The following BLNK variants were observed in gnomAD, a reference collection of about 807,000 sequenced individuals.
BLNK encodes B-cell linker protein.
In BLNK, 29 loss-of-function variants were observed where a neutral mutation model predicts 73.5. The observed-to-expected ratio is 0.39, with a 90% CI of 0.29 to 0.54. The LOEUF (loss-of-function observed/expected upper bound fraction) is 0.54, where lower values mean the gene tolerates loss of function less well. Among genes scored for constraint, BLNK ranks in the 20% least tolerant of loss-of-function variants. The pLI, the probability that BLNK is intolerant of heterozygous loss-of-function variation, is 0.61. For synonymous variants in BLNK, 176 were observed against 200.8 expected (o/e 0.88, Z 1.04); for missense variants, 460 against 562.8 (o/e 0.82, Z 1.85).
At chr10:96,227,195 C>G (rs924230618) in intron 5 of BLNK, among the ~76,000 whole-genome samples, 1 of 152,216 alleles carries the variant, frequency 6.6e-6, no homozygotes, top group Admixed American at 6.5e-5. Flanking sequence ...TGTTCCCAAT[C>G]TAGGAAAGAC....
chr10:96,219,003 G>A (rs1249590188), intron 6 of BLNK, among the ~76,000 whole-genome samples: 1 of 152,220 alleles, frequency 6.6e-6, no homozygotes, highest in Non-Finnish European at 1.5e-5. Context: ...TGTATGACCT[G>A]TGGGGGAGTT....
chr10:96,246,192 C>A (rs201303269), intron 2 of BLNK, among the ~76,000 whole-genome samples: 1 of 149,106 alleles, frequency 6.7e-6, no homozygotes, highest in African/African-American at 2.5e-5. Context: ...AGATGCTAGG[C>A]TTTCCCTCTC....
At chr10:96,216,496 G>A in intron 7 of BLNK, 157 bp downstream of exon 7, 1 of 697,862 alleles carries the variant, frequency 1.4e-6, no homozygotes, top group Non-Finnish European at 2.6e-6. Context: ...CACTGATGCT[G>A]TCTGCCCAAC....
Position 96,191,897 on chromosome 10 carries a change from T to C in BLNK, c.*76A>G. The C allele has an allele frequency of 6.3e-7, 1 of 1,582,362 alleles. No homozygotes were observed. Among genetic ancestry groups the C allele is most frequent in the Non-Finnish European group, 8.7e-7 (1 of 1,153,856 alleles). ...ATGATTCATAATCCAAAATATGAAGTTTTGGGACTTTTTCTCAAAAGGAGA... is the reference window on the plus strand; with the variant it reads ...ATGATTCATAATCCAAAATATGAAGCTTTGGGACTTTTTCTCAAAAGGAGA... On this transcript the variant is annotated 3_prime_UTR_variant, in exon 17 of 17. Transcript: ENST00000224337.
At position 96,215,389 on chromosome 10, in the gene BLNK, G is replaced by C. The variant is rs1554899628; in HGVS notation, c.608C>G (p.Ala203Gly). 6.2e-7 allele frequency: 1 copy of C among 1,609,804 alleles called. No individual in the cohort carries two copies. Among genetic ancestry groups the C allele is most frequent in the Admixed American group, 1.7e-5 (1 of 59,458 alleles). The change falls in exon 8 of 17, where the codon GCT (alanine) becomes GGT (glycine). Residue 203 changes from alanine (A) to glycine (G), a missense_variant and splice_region_variant. This residue lies in a region of BLNK where 233 missense variants were observed against 232.1 expected (regional missense o/e 1.00). Coordinates refer to ENST00000224337, the MANE Select transcript of BLNK (RefSeq NM_013314.4). Reference sequence around the variant, plus strand: ...CTTGGTTGATCTATTCACCATGGGAGCTTAAACACAGAAATGTGTGTGTAT... The same window carrying C: ...CTTGGTTGATCTATTCACCATGGGACCTTAAACACAGAAATGTGTGTGTAT... Reference protein sequence around the residue: ...TESSSPPPEKAPMVNRSTKPN... With the variant: ...TESSSPPPEKGPMVNRSTKPN...
intron 1 of BLNK, among the ~76,000 whole-genome samples, chr10:96,270,113 C>T (rs1337477279): frequency 6.6e-6 from 1 of 152,140 alleles, no homozygotes; most frequent in Non-Finnish European, 1.5e-5. Context: ...CCTTCTTGTC[C>T]CGTCAGTGCT....
intron 9 of BLNK, among the ~76,000 whole-genome samples, chr10:96,208,804 T>G (rs1439230749): frequency 6.6e-6 from 1 of 152,100 alleles, no homozygotes; most frequent in African/African-American, 2.4e-5. Context: ...ATTTAAACCT[T>G]ACAGTGACAT....
At chr10:96,228,986 A>G (rs1416928132) in intron 4 of BLNK, among the ~76,000 whole-genome samples, 2 of 152,158 alleles carry the variant, frequency 1.3e-5, no homozygotes, top group East Asian at 3.9e-4. Context: ...TATATGGGGT[A>G]TATGAGATAT....
chr10:96,233,735 A>T (rs1842595254), intron 3 of BLNK, among the ~76,000 whole-genome samples: 1 of 152,222 alleles, frequency 6.6e-6, no homozygotes, highest in Admixed American at 6.5e-5. Context: ...TGGCACCGTG[A>T]TGTCACATGT....
chr10:96,191,346 G>A lies in BLNK; in HGVS notation c.*627C>T, dbSNP rs2083326779. Among the ~76,000 whole-genome samples, 1 of 149,222 alleles carries A rather than the reference G, an allele frequency of 6.7e-6. No individual in the cohort carries two copies. The highest frequency in any genetic ancestry group is 2.1e-4 in the South Asian group (1 of 4,742). ...TATCAAGTTTAGGTTCTATTTGATA[G>A]ACATGTAGATCAAAGAGGGTATAAT... On this transcript the variant is annotated 3_prime_UTR_variant, in exon 17 of 17. Transcript: ENST00000224337.
intron 3 of BLNK, among the ~76,000 whole-genome samples, chr10:96,238,173 A>T (rs1554905456): frequency 6.6e-6 from 1 of 152,144 alleles, no homozygotes; most frequent in African/African-American, 2.4e-5. Flanking sequence ...CCTGGAGGAG[A>T]CCCAGCTCTC....
chr10:96,248,916 A>G (rs1162733972), intron 1 of BLNK, among the ~76,000 whole-genome samples: 1 of 151,752 alleles, frequency 6.6e-6, no homozygotes, highest in East Asian at 1.9e-4. Flanking sequence ...TGTAGATATC[A>G]TTTGTATTAT....
intron 1 of BLNK, among the ~76,000 whole-genome samples, chr10:96,267,848 A>G (rs1340244481): frequency 6.6e-6 from 1 of 152,240 alleles, no homozygotes; most frequent in Non-Finnish European, 1.5e-5. Context: ...CAACTATAGA[A>G]TTAGAATAAC....
intron 8 of BLNK, among the ~76,000 whole-genome samples, chr10:96,213,277 G>C (rs781925680): frequency 2.6e-4 from 40 of 152,222 alleles, no homozygotes; most frequent in Non-Finnish European, 4.6e-4. Context: ...AGAGGGATCT[G>C]TCCCAGCTTG....
chr10:96,225,803 C>A (rs375108091), intron 5 of BLNK, among the ~76,000 whole-genome samples: 3 of 152,006 alleles, frequency 2.0e-5, no homozygotes, highest in Non-Finnish European at 4.4e-5. Context: ...CCACCATGCC[C>A]GGCTAATTTT....
intron 13 of BLNK, 92 bp from the exon 14 acceptor site, chr10:96,201,150 G>A: frequency 8.6e-7 from 1 of 1,160,856 alleles, no homozygotes; most frequent in Non-Finnish European, 1.3e-6. Context: ...GGTGCTGCCA[G>A]GGACACATCC....
intron 16 of BLNK, among the ~76,000 whole-genome samples, chr10:96,193,437 C>T (rs182586761): frequency 1.3e-5 from 2 of 152,270 alleles, no homozygotes; most frequent in Non-Finnish European, 2.9e-5. Context: ...CTCATTCCGT[C>T]CCTCTAGTCC....
intron 8 of BLNK, among the ~76,000 whole-genome samples, chr10:96,211,725 C>T (rs1348365193): frequency 1.3e-5 from 2 of 152,126 alleles, no homozygotes; most frequent in African/African-American, 4.8e-5. Context: ...AAAGAGATTG[C>T]GTTTGGAATG....
chr10:96,218,601 G>A (rs1554900356), intron 6 of BLNK, among the ~76,000 whole-genome samples: 2 of 152,134 alleles, frequency 1.3e-5, no homozygotes, highest in African/African-American at 4.8e-5. Flanking sequence ...GGCTGAGGTG[G>A]GAAGGTTGCT....
Sources: gnomAD v4.1 joint callset for allele counts (sites outside exome capture counted in the v4.1 genomes callset) on GRCh38, gnomAD v4.1.1 for gene constraint, gnomAD v4.1.1 regional missense constraint, MANE v1.5 for transcripts, NCBI Gene and HGNC (gene_info 2026-07-23, HGNC 2026-07-21) for gene names.